Variants in RBFOX3 observed in about 807,000 individuals in gnomAD.
RBFOX3 encodes RNA binding fox-1 homolog 3.
Under a neutral mutation model 48.7 loss-of-function variants are expected in RBFOX3, and 17 were observed. That is an observed-to-expected ratio of 0.35 (90% CI 0.24 to 0.52). The LOEUF is 0.52. Ranked by LOEUF, RBFOX3 falls within the 20% of genes least tolerant of loss-of-function variation. The probability of loss-of-function intolerance (pLI) is 0.94; values close to 1 mark genes in which losing one functional copy is unlikely to be tolerated. For synonymous variants in RBFOX3, 212 were observed against 209.5 expected (o/e 1.01, Z -0.10); for missense variants, 382 against 497.5 (o/e 0.77, Z 2.21).
At chr17:79,442,452 G>T (rs1433658339) in intron 2 of RBFOX3, among the ~76,000 whole-genome samples, 1 of 151,568 alleles carries the variant, frequency 6.6e-6, no homozygotes, top group Non-Finnish European at 1.5e-5. Flanking sequence ...TGGGTGAGTT[G>T]GGTGTCAGGG....
chr17:79,467,998 G>A (rs1455322477), intron 2 of RBFOX3, among the ~76,000 whole-genome samples: 4 of 152,036 alleles, frequency 2.6e-5, no homozygotes, highest in Non-Finnish European at 4.4e-5. Flanking sequence ...CGAGGCAGAC[G>A]TCATGCCTCC....
intron 2 of RBFOX3, among the ~76,000 whole-genome samples, chr17:79,436,723 A>C (rs1598686104): frequency 6.6e-6 from 1 of 152,178 alleles, no homozygotes; most frequent in Non-Finnish European, 1.5e-5. Context: ...AAAGCTCAGG[A>C]CCTGAGTGTT....
intron 4 of RBFOX3, among the ~76,000 whole-genome samples, chr17:79,152,863 T>G (rs1440693255): frequency 6.6e-6 from 1 of 152,224 alleles, no homozygotes; most frequent in African/African-American, 2.4e-5. Flanking sequence ...CCTCCGGGAC[T>G]TCGCCGCATT....
intron 1 of RBFOX3, among the ~76,000 whole-genome samples, chr17:79,580,496 GA>G (rs2093021723): frequency 6.6e-6 from 1 of 152,092 alleles, no homozygotes; most frequent in Non-Finnish European, 1.5e-5. Flanking sequence ...TCTGGGCATA[GA>G]CGACTGTTCA....
chr17:79,488,890 C>A (rs1017503479), intron 1 of RBFOX3, among the ~76,000 whole-genome samples: 1 of 152,244 alleles, frequency 6.6e-6, no homozygotes, highest in African/African-American at 2.4e-5. Flanking sequence ...GATGGTCACA[C>A]ATGGGCTTGT....
chr17:79,525,749 T>G (rs2086712624), intron 1 of RBFOX3, among the ~76,000 whole-genome samples: 1 of 152,262 alleles, frequency 6.6e-6, no homozygotes, highest in Admixed American at 6.5e-5. Context: ...GAAAGTTGTT[T>G]CCTTGTTTGA....
chr17:79,439,154 G>A (rs117272702), intron 2 of RBFOX3, among the ~76,000 whole-genome samples: 1,995 of 152,300 alleles, frequency 0.013, 16 homozygotes, highest in Non-Finnish European at 0.019. Context: ...CGAGAGAGGC[G>A]CGCAGCAAGC....
intron 5 of RBFOX3, among the ~76,000 whole-genome samples, chr17:79,107,661 C>T (rs1183083985): frequency 2.0e-5 from 3 of 152,366 alleles, no homozygotes; most frequent in African/African-American, 4.8e-5. Flanking sequence ...TCATCAGCAT[C>T]GGCCGGGTGG....
At chr17:79,138,783 GCCTT>G (rs1568206952) in intron 4 of RBFOX3, among the ~76,000 whole-genome samples, 173 of 19,084 alleles carry the variant, frequency 9.1e-3, no homozygotes, top group Middle Eastern at 0.05. Context: ...CACAGCACAT[GCCTT>G]CACGCCCCCT....
chr17:79,150,015 T>TGGGGGTTGAGGGTGGGGGGTGGGGGG (rs2044010454), intron 4 of RBFOX3, among the ~76,000 whole-genome samples: 4 of 15,724 alleles, frequency 2.5e-4, no homozygotes, highest in Admixed American at 8.5e-4. Flanking sequence ...GGGATGGGGA[T>TGGGGGTTGAGGGTGGGGGGTGGGGGG]GGGGGTTGAG....
intron 4 of RBFOX3, among the ~76,000 whole-genome samples, chr17:79,137,667 G>A (rs1019064080): frequency 1.2e-5 from 1 of 80,290 alleles, no homozygotes; most frequent in Non-Finnish European, 2.6e-5. Context: ...GGAGGGTGTC[G>A]GGGGAGGAGG....
chr17:79,327,983 C>T (rs1211861138), intron 2 of RBFOX3, among the ~76,000 whole-genome samples: 6 of 152,192 alleles, frequency 3.9e-5, no homozygotes, highest in Admixed American at 1.3e-4. Flanking sequence ...TGTGAGCCAC[C>T]GCACCTGGCC....
chr17:79,330,368 C>T (rs2080059256), intron 2 of RBFOX3, among the ~76,000 whole-genome samples: 2 of 152,158 alleles, frequency 1.3e-5, no homozygotes, highest in Admixed American at 1.3e-4. Flanking sequence ...TAGGACTACA[C>T]AGGAGTCCCC....
chr17:79,172,390 T>C (rs2049525424), intron 4 of RBFOX3, among the ~76,000 whole-genome samples: 1 of 152,200 alleles, frequency 6.6e-6, no homozygotes, highest in Admixed American at 6.5e-5. Flanking sequence ...ACACAGCGTG[T>C]TGTTGCCTGG....
intron 3 of RBFOX3, among the ~76,000 whole-genome samples, chr17:79,265,281 C>T (rs927019540): frequency 1.1e-4 from 17 of 152,208 alleles, no homozygotes; most frequent in African/African-American, 3.9e-4. Flanking sequence ...TCCCCGAAGC[C>T]GGCCCTGGGG....
At chr17:79,530,671 C>T (rs1317473548) in intron 1 of RBFOX3, among the ~76,000 whole-genome samples, 3 of 152,138 alleles carry the variant, frequency 2.0e-5, no homozygotes, top group African/African-American at 7.2e-5. Context: ...ATGAATGAGA[C>T]TCTGCTCCAG....
At chr17:79,164,361 A>C (rs567885708) in intron 4 of RBFOX3, among the ~76,000 whole-genome samples, 1 of 152,276 alleles carries the variant, frequency 6.6e-6, no homozygotes, top group South Asian at 2.1e-4. Flanking sequence ...GGGTCATCCC[A>C]CTTAACCCTG....
intron 2 of RBFOX3, among the ~76,000 whole-genome samples, chr17:79,448,551 T>C (rs2072820760): frequency 6.6e-6 from 1 of 152,100 alleles, no homozygotes; most frequent in Non-Finnish European, 1.5e-5. Flanking sequence ...GCCGAGAAGC[T>C]GGAGGAGGCA....
At chr17:79,370,627 T>C (rs1267525581) in intron 2 of RBFOX3, among the ~76,000 whole-genome samples, 3 of 79,472 alleles carry the variant, frequency 3.8e-5, no homozygotes, top group East Asian at 3.4e-4. Context: ...CACAGTCACA[T>C]ACACTAACAT....
Sources: allele counts gnomAD v4.1 joint callset (sites outside exome capture counted in the v4.1 genomes callset), GRCh38; gene constraint gnomAD v4.1.1; transcripts MANE v1.5; gene names NCBI Gene and HGNC (gene_info 2026-07-23, HGNC 2026-07-21).